The following MACROD2 variants were observed in gnomAD, a reference collection of about 807,000 sequenced individuals.
MACROD2 encodes the protein mono-ADP ribosylhydrolase 2.
A neutral mutation model predicts 70.4 loss-of-function variants in MACROD2; 36 were observed. That is an observed-to-expected ratio of 0.51 (90% CI 0.39 to 0.68). The LOEUF (loss-of-function observed/expected upper bound fraction) is 0.68, where lower values mean the gene tolerates loss of function less well. Ranked by LOEUF, MACROD2 falls within the 30% of genes least tolerant of loss-of-function variation. The pLI is 0.00. For synonymous variants in MACROD2, 172 were observed against 178.8 expected (o/e 0.96, Z 0.30); for missense variants, 496 against 538.4 (o/e 0.92, Z 0.78).
At chr20:14,198,939 C>T (rs1200019885) in intron 3 of MACROD2, among the ~76,000 whole-genome samples, 1 of 152,106 alleles carries the variant, frequency 6.6e-6, no homozygotes, top group Non-Finnish European at 1.5e-5. Flanking sequence ...CATCATAATG[C>T]AATTTAAATT....
At chr20:14,121,321 C>T (rs549623139) in intron 3 of MACROD2, among the ~76,000 whole-genome samples, 54 of 152,280 alleles carry the variant, frequency 3.5e-4, no homozygotes, top group African/African-American at 1.2e-3. Context: ...AAATAACGTA[C>T]TCAAGGACGT....
At chr20:15,769,345 C>G (rs2051584087) in intron 8 of MACROD2, among the ~76,000 whole-genome samples, 1 of 152,010 alleles carries the variant, frequency 6.6e-6, no homozygotes, top group Non-Finnish European at 1.5e-5. Flanking sequence ...CAGGGTTTCT[C>G]CATGTTGGTC....
chr20:14,006,805 A>G (rs2052829735), intron 2 of MACROD2, among the ~76,000 whole-genome samples: 1 of 151,694 alleles, frequency 6.6e-6, no homozygotes, highest in Non-Finnish European at 1.5e-5. Flanking sequence ...TGCTTACTGC[A>G]TCTCTGTGGT....
chr20:14,310,601 A>G (rs539723177), intron 3 of MACROD2, among the ~76,000 whole-genome samples: 13 of 152,296 alleles, frequency 8.5e-5, no homozygotes, highest in Non-Finnish European at 1.6e-4. Context: ...TTACTAGTTT[A>G]TGTATTTACT....
At chr20:14,720,666 G>T (rs540791062) in intron 5 of MACROD2, among the ~76,000 whole-genome samples, 48 of 145,384 alleles carry the variant, frequency 3.3e-4, no homozygotes, top group South Asian at 2.0e-3. Context: ...TGATTCTCCT[G>T]CCTCAGCTTC....
At chr20:15,535,012 G>T (rs2047854869) in intron 8 of MACROD2, among the ~76,000 whole-genome samples, 1 of 152,078 alleles carries the variant, frequency 6.6e-6, no homozygotes, top group South Asian at 2.1e-4. Flanking sequence ...CTCTCACTCT[G>T]TCACGCAGGC....
chr20:15,636,246 C>T (rs1156977582), intron 8 of MACROD2, among the ~76,000 whole-genome samples: 1 of 151,994 alleles, frequency 6.6e-6, no homozygotes. Flanking sequence ...CTTTTGTATC[C>T]TCAAGTGCTT....
intron 3 of MACROD2, among the ~76,000 whole-genome samples, chr20:14,262,440 GA>G (rs1450413137): frequency 1.3e-5 from 2 of 152,192 alleles, no homozygotes; most frequent in East Asian, 3.8e-4. Flanking sequence ...TGTTCTTTTG[GA>G]AATAATGAAT....
Position 15,937,619 on chromosome 20 carries a change from A to G in MACROD2, c.907+75A>G, listed in dbSNP as rs1003732151. 5.1e-6 allele frequency: 7 copies of G among 1,372,874 alleles called. 1 individual carries two copies. Among genetic ancestry groups the G allele is most frequent in the Non-Finnish European group, 5.2e-6 (5 of 967,396 alleles). 85.0% of individuals were successfully genotyped at this position (1,372,874 alleles called of 1,614,324 possible). A position where few individuals can be genotyped will look rare whatever the true frequency, so the allele number is the denominator to read the frequency against. Reference sequence around the variant, plus strand: ...TGTTTGGGCTTGTTTACATGGAAAAATGAAGCAGCAAGTCAAATATAACTA... The same window carrying G: ...TGTTTGGGCTTGTTTACATGGAAAAGTGAAGCAGCAAGTCAAATATAACTA... On this transcript the variant is annotated intron_variant, in intron 12 of 17. Transcript: ENST00000684519.
chr20:14,541,629 T>C (rs1430077065), intron 4 of MACROD2, among the ~76,000 whole-genome samples: 1 of 147,758 alleles, frequency 6.8e-6, no homozygotes, highest in African/African-American at 2.5e-5. Context: ...ATATAATGAA[T>C]GCATGGATAT....
At chr20:14,025,368 G>T (rs1601127886) in intron 2 of MACROD2, among the ~76,000 whole-genome samples, 1 of 152,204 alleles carries the variant, frequency 6.6e-6, no homozygotes, top group Middle Eastern at 3.4e-3. Flanking sequence ...ATCTCCTTCA[G>T]TTCTGCTCTG....
At chr20:14,319,492 A>G (rs1291528070) in intron 3 of MACROD2, among the ~76,000 whole-genome samples, 2 of 152,044 alleles carry the variant, frequency 1.3e-5, no homozygotes, top group East Asian at 1.9e-4. Context: ...CCATGACCCA[A>G]CAAGACCCCT....
intron 3 of MACROD2, among the ~76,000 whole-genome samples, chr20:14,342,034 C>T (rs997291906): frequency 6.6e-6 from 1 of 152,006 alleles, no homozygotes; most frequent in African/African-American, 2.4e-5. Flanking sequence ...AGCCCCTGCA[C>T]GGAGCCCTGG....
chr20:15,448,892 A>T (rs2046604302), intron 7 of MACROD2, among the ~76,000 whole-genome samples: 1 of 152,098 alleles, frequency 6.6e-6, no homozygotes, highest in Admixed American at 6.6e-5. Flanking sequence ...GATTATCCTT[A>T]CAGTCATCCT....
intron 3 of MACROD2, among the ~76,000 whole-genome samples, chr20:14,468,862 C>T (rs544757946): frequency 2.2e-4 from 34 of 152,174 alleles, no homozygotes; most frequent in African/African-American, 7.2e-4. Flanking sequence ...GAATACAGCA[C>T]CCCGATGGGT....
chr20:15,402,943 GTTTTTTTTGTTTTGTTTTGTTTTTTGT>G (rs1568780227), intron 6 of MACROD2, among the ~76,000 whole-genome samples: 1 of 151,566 alleles, frequency 6.6e-6, no homozygotes, highest in African/African-American at 2.4e-5. Context: ...CTTAACAGGT[GTTTTTTTTGTTTTGTTTTGTTTTTTGT>G]TTTTTTTTGT....
intron 8 of MACROD2, among the ~76,000 whole-genome samples, chr20:15,737,063 A>G (rs1051062085): frequency 1.3e-5 from 2 of 152,244 alleles, no homozygotes; most frequent in Non-Finnish European, 2.9e-5. Flanking sequence ...GGACTTAAAT[A>G]AAGAATTGAT....
intron 5 of MACROD2, among the ~76,000 whole-genome samples, chr20:15,119,359 G>A (rs1379493492): frequency 5.9e-5 from 9 of 151,936 alleles, no homozygotes; most frequent in African/African-American, 9.7e-5. Flanking sequence ...ATCTTCCCTC[G>A]CCAATGAAAC....
chr20:15,999,410 G>A (rs2066679027), intron 15 of MACROD2, among the ~76,000 whole-genome samples: 1 of 152,154 alleles, frequency 6.6e-6, no homozygotes. Context: ...ATCTATCCTA[G>A]GGAATGTTCT....
Sources: gnomAD v4.1 joint callset for allele counts (sites outside exome capture counted in the v4.1 genomes callset) on GRCh38, gnomAD v4.1.1 for gene constraint, MANE v1.5 for transcripts, NCBI Gene and HGNC (gene_info 2026-07-23, HGNC 2026-07-21) for gene names.